SMIM27: variants seen among roughly 807,000 people sequenced by gnomAD.
The protein encoded by SMIM27 is TOPORS antisense RNA 1 (non-protein coding).
In SMIM27, 3 loss-of-function variants were observed where a neutral mutation model predicts 1.8. The observed-to-expected ratio is 1.65, with a 90% confidence interval of 0.75 to 4.28. SMIM27 has a LOEUF of 4.28. Ranked by LOEUF, SMIM27 falls within the 30% of genes most tolerant of loss-of-function variation. The pLI is 0.02. For synonymous variants in SMIM27, 19 were observed against 13.9 expected (o/e 1.37, Z -0.82); for missense variants, 63 against 37.0 (o/e 1.70, Z -1.83).
At chr9:32,556,973 TC>T (rs1264787359), downstream of SMIM27, among the ~76,000 whole-genome samples, 9 of 141,936 alleles carry the variant, frequency 6.3e-5, no homozygotes, top group Admixed American at 1.5e-4. Flanking sequence ...TGCCTCAGCC[TC>T]CCCGGTAGCT....
exon 2 of SMIM27, chr9:32,566,793 A>C: frequency 1.1e-6 from 1 of 915,728 alleles, no homozygotes; most frequent in East Asian, 2.7e-5. Context: ...GACGTTGTAC[A>C]GGAGGTCGGC....
rs562706306 is a variant in SMIM27, at chr9:32,566,686, T to G, written c.*233T>G. 12 of 822,276 alleles carry G rather than the reference T, an allele frequency of 1.5e-5. No homozygotes were observed. In the African/African-American group the frequency reaches 2.0e-4, roughly 14 times the overall value. The allele number at this position is 822,276 out of a possible 1,614,324, so 50.9% of individuals were successfully genotyped here. ...TAACTCCGGATCCGGCTTTCACAGC[T>G]GTATCTCAGATAGCCAGACTTATTC... On this transcript the variant is annotated 3_prime_UTR_variant, in exon 2 of 2. Coordinates refer to the SMIM27 transcript ENST00000451672.
intron 1 of SMIM27, among the ~76,000 whole-genome samples, chr9:32,564,512 T>C (rs1821721642): frequency 6.6e-6 from 1 of 150,414 alleles, no homozygotes; most frequent in South Asian, 2.1e-4. Flanking sequence ...ATATTACACT[T>C]TTTTAAAAAA....
chr9:32,565,334 T>C (rs530027460), intron 1 of SMIM27: 3 of 152,394 alleles, frequency 2.0e-5, no homozygotes, highest in Non-Finnish European at 2.9e-5. Flanking sequence ...TGTCCTTTTA[T>C]GTTCTTTATG....
intron 1 of SMIM27, 74 bp downstream of exon 1, chr9:32,552,553 AGCACCC>A: frequency 7.3e-7 from 1 of 1,372,874 alleles, no homozygotes; most frequent in Non-Finnish European, 1.0e-6. Context: ...CTATTTCTTC[AGCACCC>A]AGAAACTCCA....
intron 1 of SMIM27, among the ~76,000 whole-genome samples, chr9:32,558,752 T>C (rs1821544047): frequency 6.6e-6 from 1 of 152,142 alleles, no homozygotes; most frequent in South Asian, 2.1e-4. Flanking sequence ...TCCTGTTTTT[T>C]TTTGTTTTGT....
chr9:32,565,045 C>T (rs972735539), intron 1 of SMIM27, among the ~76,000 whole-genome samples: 1 of 152,202 alleles, frequency 6.6e-6, no homozygotes, highest in Non-Finnish European at 1.5e-5. Flanking sequence ...GTAATCCCAG[C>T]ACTTTGGGTG....
At chr9:32,555,836 G>A (rs1563990979), downstream of SMIM27, among the ~76,000 whole-genome samples, 1 of 152,152 alleles carries the variant, frequency 6.6e-6, no homozygotes. Flanking sequence ...GATGGATAAA[G>A]GTGTTCTTTC....
In SMIM27 at chr9:32,552,383, G is replaced by C. The variant is rs1821305741; in HGVS notation, c.-52G>C. 5.0e-6 allele frequency: 8 copies of C among 1,604,842 alleles called. No individual in the cohort carries two copies. The highest frequency in any genetic ancestry group is 6.8e-6 in the Non-Finnish European group (8 of 1,176,128). ...GGCAGCCACCGCCTGGGAGGTTACT[G>C]TAAGGCCCGCAGCTCCCGCCAGCTC... On this transcript the variant is annotated 5_prime_UTR_variant, in exon 1 of 2. Transcript: ENST00000692500.
intron 1 of SMIM27, among the ~76,000 whole-genome samples, chr9:32,564,305 T>G (rs1317881706): frequency 6.6e-6 from 1 of 152,148 alleles, no homozygotes; most frequent in Non-Finnish European, 1.5e-5. Context: ...CTGTGTCCCT[T>G]TATCATCAAC....
At position 32,566,291 on chromosome 9, in the gene SMIM27, A is replaced by G. The variant is rs1276206529; in HGVS notation, c.46-100A>G. ...GGTTCTCTGAGGTAGAAAGCAGGCC[A>G]TAAAAATATTCCCAGTCCACTTCTC... On this transcript the variant is annotated intron_variant, in intron 1 of 1. Coordinates refer to the SMIM27 transcript ENST00000451672. 10 of 1,149,978 alleles carry G rather than the reference A, an allele frequency of 8.7e-6. No individual in the cohort carries two copies. In the East Asian group the frequency reaches 2.1e-4, roughly 24 times the overall value. 71.2% of individuals were successfully genotyped at this position (1,149,978 alleles called of 1,614,324 possible).
chr9:32,553,142 T>C (rs1821348045), downstream of SMIM27: 1 of 435,540 alleles, frequency 2.3e-6, no homozygotes, highest in Admixed American at 4.0e-5. Flanking sequence ...TGTCAGATCA[T>C]AGTTGGAATA....
intron 1 of SMIM27, 142 bp from the exon 2 acceptor site, chr9:32,552,659 T>A: frequency 1.5e-6 from 1 of 660,894 alleles, no homozygotes; most frequent in Non-Finnish European, 2.7e-6. Flanking sequence ...ACGTAAGGGC[T>A]GCTGGGTGTA....
chr9:32,563,932 T>G (rs1004792935), intron 1 of SMIM27, among the ~76,000 whole-genome samples: 2 of 152,240 alleles, frequency 1.3e-5, no homozygotes, highest in African/African-American at 2.4e-5. Flanking sequence ...CTTTACTTTC[T>G]GGCACAATAA....
intron 1 of SMIM27, among the ~76,000 whole-genome samples, chr9:32,564,543 TTAAA>T (rs1206590457): frequency 1.3e-5 from 2 of 152,028 alleles, no homozygotes; most frequent in South Asian, 2.1e-4. Context: ...TAACATGTCA[TTAAA>T]TAAATGCCCA....
At chr9:32,565,322 A>T (rs1821751980) in intron 1 of SMIM27, 1 of 152,202 alleles carries the variant, frequency 6.6e-6, no homozygotes, top group African/African-American at 2.4e-5. Context: ...TTCAGCAGTG[A>T]ATGTCCTTTT....
At chr9:32,557,456 C>T (rs1353033769), downstream of SMIM27, among the ~76,000 whole-genome samples, 1 of 151,220 alleles carries the variant, frequency 6.6e-6, no homozygotes, top group Non-Finnish European at 1.5e-5. Flanking sequence ...GGCATGAGCC[C>T]CCGATACCCC....
intron 1 of SMIM27, chr9:32,559,051 A>C: frequency 1.3e-6 from 1 of 747,894 alleles, no homozygotes; most frequent in South Asian, 1.9e-5. Context: ...TAAGCTCCAA[A>C]CTTTCACAGA....
downstream of SMIM27, among the ~76,000 whole-genome samples, chr9:32,555,955 C>G (rs576658792): frequency 3.3e-5 from 5 of 152,246 alleles, no homozygotes; most frequent in Non-Finnish European, 7.3e-5. Context: ...AATTCTACCA[C>G]TGAACAATGG....
Sources: gnomAD v4.1 joint callset for allele counts (sites outside exome capture counted in the v4.1 genomes callset) on GRCh38, gnomAD v4.1.1 for gene constraint, MANE v1.5 for transcripts, NCBI Gene and HGNC (gene_info 2026-07-23, HGNC 2026-07-21) for gene names.